Variants in RUNX1T1 observed in about 807,000 individuals in gnomAD.
The protein encoded by RUNX1T1 is RUNX1 partner transcriptional co-repressor 1.
RUNX1T1 carries 4 observed loss-of-function variants against 62.8 expected under a neutral mutation model. The observed-to-expected ratio is 0.06, with a 90% CI of 0.03 to 0.15. The LOEUF is 0.15. RUNX1T1 is among the 10% of genes least tolerant of loss of function. RUNX1T1 has a pLI of 1.00. For synonymous variants in RUNX1T1, 291 were observed against 286.0 expected, an observed-to-expected ratio of 1.02 and a Z score of -0.18; for missense variants, 508 against 754.3, an observed-to-expected ratio of 0.67 and a Z score of 3.82.
At chr8:92,071,759 AT>A (rs1335103994) in intron 2 of RUNX1T1, among the ~76,000 whole-genome samples, 1 of 152,168 alleles carries the variant, frequency 6.6e-6, no homozygotes, top group Non-Finnish European at 1.5e-5. Context: ...TCTTCAGGTA[AT>A]TAAACAAGGA....
downstream of RUNX1T1, chr8:91,956,603 GA>G: frequency 1.4e-5 from 3 of 220,438 alleles, no homozygotes; most frequent in East Asian, 6.6e-5. Flanking sequence ...TCCAACTAAG[GA>G]AAAAAGGATA....
At chr8:92,027,115 C>CAAA (rs71563484) in intron 1 of RUNX1T1, among the ~76,000 whole-genome samples, 1 of 74,180 alleles carries the variant, frequency 1.3e-5, no homozygotes, top group Middle Eastern at 6.8e-3. Flanking sequence ...AACTCCGTCT[C>CAAA]AAAAAAAAAA....
At chr8:92,093,057 T>A (rs1837280315) in intron 1 of RUNX1T1, among the ~76,000 whole-genome samples, 1 of 152,174 alleles carries the variant, frequency 6.6e-6, no homozygotes, top group Non-Finnish European at 1.5e-5. Flanking sequence ...CTCTTATCAC[T>A]TTCCTTTTCT....
At chr8:92,060,549 ATATATGTGTG>A (rs1458489319) in intron 1 of RUNX1T1, among the ~76,000 whole-genome samples, 9 of 107,042 alleles carry the variant, frequency 8.4e-5, no homozygotes, top group South Asian at 2.8e-4. Context: ...ATATATATAT[ATATATGTGTG>A]TGTGTGTGTG....
intron 1 of RUNX1T1, among the ~76,000 whole-genome samples, chr8:92,050,403 C>T (rs1830050456): frequency 1.3e-5 from 2 of 152,068 alleles, no homozygotes; most frequent in Admixed American, 6.6e-5. Flanking sequence ...TGAAACTATC[C>T]CAAAAGTTTT....
At chr8:92,004,479 G>A (rs905994854) in intron 5 of RUNX1T1, 3 of 152,182 alleles carry the variant, frequency 2.0e-5, no homozygotes, top group African/African-American at 7.2e-5. Context: ...TAATGGAGAA[G>A]TGGTTTTATT....
chr8:92,089,136 T>G (rs2130884328), intron 1 of RUNX1T1, among the ~76,000 whole-genome samples: 1 of 152,294 alleles, frequency 6.6e-6, no homozygotes, highest in South Asian at 2.1e-4. Flanking sequence ...TTTTGGATGA[T>G]GAGGAAGTGC....
At chr8:92,088,746 C>T (rs563264613) in intron 1 of RUNX1T1, among the ~76,000 whole-genome samples, 6 of 152,266 alleles carry the variant, frequency 3.9e-5, no homozygotes, top group East Asian at 1.9e-4. Flanking sequence ...TATCTCATTA[C>T]GTGGCCATGT....
At chr8:92,051,660 C>T (rs562246360) in intron 1 of RUNX1T1, among the ~76,000 whole-genome samples, 1 of 151,454 alleles carries the variant, frequency 6.6e-6, no homozygotes, top group African/African-American at 2.4e-5. Context: ...TTCCTCAGAG[C>T]GGAAATGCTC....
intron 5 of RUNX1T1, among the ~76,000 whole-genome samples, chr8:91,993,492 G>A (rs549361730): frequency 6.6e-6 from 1 of 151,966 alleles, no homozygotes; most frequent in Non-Finnish European, 1.5e-5. Flanking sequence ...GGACCCTTAG[G>A]ACTCAGCCGT....
chr8:92,027,368 T>C (rs1463614163), intron 1 of RUNX1T1, among the ~76,000 whole-genome samples: 2 of 152,116 alleles, frequency 1.3e-5, no homozygotes, highest in East Asian at 3.9e-4. Context: ...TCTGAAATGT[T>C]ACCCTAGAAA....
intron 1 of RUNX1T1, 136 bp from the exon 3 acceptor site, chr8:92,017,499 A>T: frequency 6.5e-7 from 1 of 1,539,722 alleles, no homozygotes; most frequent in Non-Finnish European, 8.7e-7. Flanking sequence ...TTATCTACTG[A>T]CGTTTAAATC....
At chr8:91,986,463 T>C (rs1032431109) in intron 7 of RUNX1T1, 138 bp from the exon 9 acceptor site, 4 of 657,568 alleles carry the variant, frequency 6.1e-6, no homozygotes, top group Non-Finnish European at 1.1e-5. Context: ...GTATTTTCTA[T>C]GACTAGATTT....
At chr8:92,051,624 A>ACTCTCT (rs58500025) in intron 1 of RUNX1T1, among the ~76,000 whole-genome samples, 2 of 113,148 alleles carry the variant, frequency 1.8e-5, no homozygotes, top group African/African-American at 6.7e-5. Context: ...TCTCTCTCTC[A>ACTCTCT]CTCTCTCTCT....
In RUNX1T1 at chr8:92,091,338, T is replaced by C. The variant is rs955203732; in HGVS notation, c.-86+8242A>G. 2.6e-5 allele frequency among the ~76,000 whole-genome samples: 4 copies of C among 152,234 alleles called. 1 individual carries two copies. Among genetic ancestry groups the C allele is most frequent in the Admixed American group, 6.5e-5 (1 of 15,280 alleles). Reference sequence around the variant, plus strand: ...ATTAAAGGAGATGATTTTAAGTTGGTATCTCTTGGTCCTTGAAAATATTAG... The same window carrying C: ...ATTAAAGGAGATGATTTTAAGTTGGCATCTCTTGGTCCTTGAAAATATTAG... On this transcript the variant is annotated intron_variant, in intron 1 of 11. Coordinates refer to the RUNX1T1 transcript ENST00000265814.
intron 6 of RUNX1T1, among the ~76,000 whole-genome samples, chr8:91,990,682 C>T (rs189879966): frequency 6.6e-6 from 1 of 151,648 alleles, no homozygotes; most frequent in East Asian, 1.9e-4. Context: ...CTTGCTCTGC[C>T]ACCCAGGCTG....
At chr8:91,971,718 C>T (rs1812870430) in intron 9 of RUNX1T1, among the ~76,000 whole-genome samples, 1 of 152,098 alleles carries the variant, frequency 6.6e-6, no homozygotes. Flanking sequence ...CCAACTGTTG[C>T]ACTAGACAAA....
upstream of RUNX1T1, among the ~76,000 whole-genome samples, chr8:92,102,313 AC>A (rs1838075511): frequency 6.6e-6 from 1 of 150,780 alleles, no homozygotes; most frequent in Non-Finnish European, 1.5e-5. The surrounding 1 kb of genome is among the most constrained non-coding windows in gnomAD (Gnocchi z 4.5). Context: ...GCAAACCCCC[AC>A]CCTAGTTGCA....
intron 1 of RUNX1T1, among the ~76,000 whole-genome samples, chr8:92,044,086 AG>A (rs1033812713): frequency 6.6e-6 from 1 of 152,122 alleles, no homozygotes; most frequent in African/African-American, 2.4e-5. Flanking sequence ...AACAGGAGTC[AG>A]GGGAACAGCA....
Sources: gnomAD v4.1 joint callset for allele counts (sites outside exome capture counted in the v4.1 genomes callset) on GRCh38, gnomAD v4.1.1 for gene constraint, Gnocchi (gnomAD v3.1) non-coding constraint, MANE v1.5 for transcripts, NCBI Gene and HGNC (gene_info 2026-07-23, HGNC 2026-07-21) for gene names.